NECAB2: variants seen among roughly 807,000 people sequenced by gnomAD.
The protein encoded by NECAB2 is N-terminal EF-hand calcium-binding protein 2.
Under a neutral mutation model 51.9 loss-of-function variants are expected in NECAB2, and 68 were observed. The observed-to-expected ratio is 1.31, with a 90% confidence interval of 1.08 to 1.60. NECAB2 has a LOEUF of 1.60. NECAB2 is among the 40% of genes most tolerant of loss of function. The pLI, the probability that NECAB2 is intolerant of heterozygous loss-of-function variation, is 0.00. For missense variants in NECAB2, 854 were observed against 490.3 expected (o/e 1.74, Z -7.00); for synonymous variants, 329 against 203.5 (o/e 1.62, Z -5.25).
intron 8 of NECAB2, 68 bp from the exon 9 acceptor site, chr16:83,997,148 G>T: frequency 6.2e-7 from 1 of 1,604,122 alleles, no homozygotes; most frequent in Non-Finnish European, 8.5e-7. Flanking sequence ...AGGGATCCCA[G>T]AGCTCCTGGC....
chr16:83,974,307 C>T (rs1455258282), intron 2 of NECAB2, among the ~76,000 whole-genome samples: 1 of 152,152 alleles, frequency 6.6e-6, no homozygotes, highest in African/African-American at 2.4e-5. Context: ...TCTCAGTTTC[C>T]TTATCTGTAA....
At chr16:83,996,678 C>G (rs891188863) in intron 8 of NECAB2, among the ~76,000 whole-genome samples, 3 of 152,158 alleles carry the variant, frequency 2.0e-5, no homozygotes, top group Admixed American at 6.5e-5. Flanking sequence ...TCTGCCGTGA[C>G]ATAGTGACTG....
rs2084483788 is a variant in NECAB2 at position 83,981,138 on chromosome 16, G to A, written c.459+11G>A. ...GGTTATACCAAGAAGGTCAGTGGGT[G>A]TAGGTGGCCCCCGGGGTCCAGGGCT... is the stretch of plus-strand genomic sequence containing the variant. On this transcript the variant is annotated intron_variant, in intron 5 of 12. Transcript: ENST00000305202. 3.1e-6 allele frequency: 5 copies of A among 1,602,050 alleles called. No individual in the cohort carries two copies. The highest frequency in any genetic ancestry group is 1.7e-4 in the Middle Eastern group (1 of 6,036).
intron 6 of NECAB2, among the ~76,000 whole-genome samples, chr16:83,993,979 C>T (rs11862578): frequency 0.13 from 20,084 of 152,136 alleles, 2,477 homozygotes; most frequent in African/African-American, 0.33. Context: ...TGCCCGAAAG[C>T]TTCGAGCTGT....
intron 6 of NECAB2, among the ~76,000 whole-genome samples, chr16:83,992,022 A>G (rs1253176110): frequency 6.6e-6 from 1 of 152,152 alleles, no homozygotes; most frequent in African/African-American, 2.4e-5. Flanking sequence ...TCGGCATCAC[A>G]TGCCGTAAGT....
chr16:83,990,479 C>A lies in NECAB2; in HGVS notation c.460-15C>A, dbSNP rs370346096. On this transcript the variant is annotated splice_polypyrimidine_tract_variant and intron_variant, in intron 5 of 12. Coordinates refer to ENST00000305202, the MANE Select transcript of NECAB2 (RefSeq NM_019065.3). ...CACCCCTTTCCCCTCAGTGCCTCTT[C>A]TCTTCCTTCCACAGGTATATGAGGG... is the stretch of plus-strand genomic sequence containing the variant. 7 of 1,613,574 alleles carry A rather than the reference C, an allele frequency of 4.3e-6. No homozygotes were observed. The highest frequency in any genetic ancestry group is 2.7e-5 in the African/African-American group (2 of 74,920).
At chr16:83,965,574 A>G (rs2084268862), upstream of NECAB2, 1 of 1,612,894 alleles carries the variant, frequency 6.2e-7, no homozygotes, top group African/African-American at 1.3e-5. Context: ...AAGATGCTGT[A>G]CCCCGAGTAC....
At chr16:83,996,682 G>A (rs149116697) in intron 8 of NECAB2, among the ~76,000 whole-genome samples, 1 of 152,164 alleles carries the variant, frequency 6.6e-6, no homozygotes. Flanking sequence ...CCGTGACATA[G>A]TGACTGTTGA....
intron 8 of NECAB2, among the ~76,000 whole-genome samples, chr16:83,996,729 C>A (rs966450632): frequency 6.6e-6 from 1 of 152,124 alleles, no homozygotes; most frequent in Non-Finnish European, 1.5e-5. Flanking sequence ...GGGCACCAGT[C>A]GTGGGCGAAC....
In NECAB2 at chr16:83,997,214, A is replaced by C. The variant is rs2084717602; in HGVS notation, c.796-2A>C. The stretch of plus-strand genomic sequence containing the variant: ...GCATCACTGTGTGCTGGATTGTTTC[A>C]GGCACTGTGGTTCGACCTGCAGCAG... On this transcript the variant is annotated splice_acceptor_variant, in intron 8 of 12. Transcript: ENST00000305202. LOFTEE classifies it high-confidence loss of function. 2 of 1,614,106 alleles carry C rather than the reference A, an allele frequency of 1.2e-6. No individual in the cohort carries two copies. The highest frequency in any genetic ancestry group is 1.7e-6 in the Non-Finnish European group (2 of 1,180,022).
chr16:83,965,720 G>A (rs1042252935), upstream of NECAB2: 1 of 1,613,678 alleles, frequency 6.2e-7, no homozygotes. Flanking sequence ...CCTCGAGGGT[G>A]TCGAGAAGGT....
chr16:84,000,707 A>G lies in NECAB2; in HGVS notation c.963-17A>G, dbSNP rs781751770. On this transcript the variant is annotated splice_polypyrimidine_tract_variant and intron_variant, in intron 10 of 12. Coordinates refer to ENST00000305202, the MANE Select transcript of NECAB2 (RefSeq NM_019065.3). Reference sequence around the variant, plus strand: ...GTTGAGCTCCAGCCTCCTCCCCCCGACCATCTCCTGTTGCAGCATCACTGC... The same window carrying G: ...GTTGAGCTCCAGCCTCCTCCCCCCGGCCATCTCCTGTTGCAGCATCACTGC... 1 of 1,613,334 alleles carries G rather than the reference A, an allele frequency of 6.2e-7. No homozygotes were observed. The highest frequency in any genetic ancestry group is 8.5e-7 in the Non-Finnish European group (1 of 1,179,630).
chr16:83,972,776 A>G (rs1447177476), intron 2 of NECAB2, among the ~76,000 whole-genome samples: 1 of 152,158 alleles, frequency 6.6e-6, no homozygotes, highest in African/African-American at 2.4e-5. Flanking sequence ...GTGGCCACGG[A>G]ATTCATAGCG....
In NECAB2 at chr16:84,000,737, A is replaced by G; in HGVS notation, c.976A>G (p.Arg326Gly). ...VRNCFHITAV[R>G]LSDGFTFVIY... ...CTCCTGTTGCAGCATCACTGCCGTG[A>G]GGCTCTCAGATGGCTTCACCTTTGT... The change falls in exon 11 of 13, where the codon AGG becomes GGG. Residue 326 changes from arginine to glycine, a missense_variant. Transcript: ENST00000305202. The G allele has an allele frequency of 6.2e-7, 1 of 1,613,842 alleles. No individual in the cohort carries two copies. The highest frequency in any genetic ancestry group is 1.7e-5 in the Admixed American group (1 of 60,002).
At chr16:84,002,065 C>G (rs1183557352) in intron 12 of NECAB2, 149 bp downstream of exon 12, 1 of 1,040,312 alleles carries the variant, frequency 9.6e-7, no homozygotes, top group Non-Finnish European at 1.4e-6. Flanking sequence ...CAGAGCCAGC[C>G]CTGAGGTGGC....
intron 8 of NECAB2, among the ~76,000 whole-genome samples, chr16:83,996,627 C>G (rs890984139): frequency 6.6e-6 from 1 of 152,144 alleles, no homozygotes. Flanking sequence ...GACCCACGCT[C>G]TGACACTTAC....
chr16:83,965,786 C>T (rs1369872018), upstream of NECAB2: 5 of 1,613,140 alleles, frequency 3.1e-6, no homozygotes, highest in African/African-American at 1.3e-5. Flanking sequence ...CCTCTCCTTC[C>T]TGCCTGGGGC....
upstream of NECAB2, among the ~76,000 whole-genome samples, chr16:83,966,688 C>CA (rs1402738670): frequency 6.6e-6 from 1 of 152,228 alleles, no homozygotes; most frequent in African/African-American, 2.4e-5. Flanking sequence ...CTGCCTGCCC[C>CA]AAGGCCTTTG....
At position 83,978,584 on chromosome 16, in the gene NECAB2, G is replaced by C. The variant is rs771863228; in HGVS notation, c.335+32G>C. On this transcript the variant is annotated intron_variant, in intron 3 of 12. Transcript: ENST00000305202. ...TTCAGTCCTGGCTGGCAGAGTGGGG[G>C]TGTGTGTGGGCTGTGGTGGAGGCAT... The C allele has an allele frequency of 7.1e-6, 11 of 1,550,068 alleles. 1 individual carries two copies. The Admixed American group carries it at 1.3e-4, about 19-fold the overall frequency.
Sources: gnomAD v4.1 joint callset for allele counts (sites outside exome capture counted in the v4.1 genomes callset) on GRCh38, gnomAD v4.1.1 for gene constraint, MANE v1.5 for transcripts, NCBI Gene and HGNC (gene_info 2026-07-23, HGNC 2026-07-21) for gene names.